Variants in SBF2 observed in about 807,000 individuals in gnomAD.
SBF2 encodes the protein myotubularin-related protein 13.
Under a neutral mutation model 225.2 loss-of-function variants are expected in SBF2, and 112 were observed. That is an observed-to-expected ratio of 0.50 (90% CI 0.43 to 0.58). The LOEUF (loss-of-function observed/expected upper bound fraction) is 0.58. SBF2 is among the 20% of genes least tolerant of loss of function. The pLI is 0.00. For missense variants in SBF2, 1,996 were observed against 2,206.2 expected (o/e 0.90, Z 1.91); for synonymous variants, 763 against 773.3 (o/e 0.99, Z 0.22).
At chr11:10,219,628 T>C (rs945923472) in intron 1 of SBF2, among the ~76,000 whole-genome samples, 3 of 152,222 alleles carry the variant, frequency 2.0e-5, no homozygotes, top group Non-Finnish European at 4.4e-5. Flanking sequence ...TCCAAACTTC[T>C]ATGCTCTGCT....
At chr11:9,870,643 C>G (rs570008434) in intron 17 of SBF2, among the ~76,000 whole-genome samples, 2 of 152,130 alleles carry the variant, frequency 1.3e-5, no homozygotes, top group Admixed American at 6.5e-5. Flanking sequence ...TAGCTATATA[C>G]AGAAAATTGA....
intron 2 of SBF2, among the ~76,000 whole-genome samples, chr11:10,143,592 G>A (rs1365943488): frequency 2.0e-5 from 3 of 152,054 alleles, no homozygotes; most frequent in African/African-American, 7.2e-5. Flanking sequence ...AAAAATTCTG[G>A]GTTCATAAAT....
At chr11:9,819,756 C>T (rs578170684) in intron 28 of SBF2, among the ~76,000 whole-genome samples, 54 of 152,290 alleles carry the variant, frequency 3.5e-4, no homozygotes, top group African/African-American at 1.3e-3. Context: ...GTTCTTTGAG[C>T]AAGGTCATCA....
intron 2 of SBF2, among the ~76,000 whole-genome samples, chr11:10,048,707 A>G (rs1248996813): frequency 2.6e-5 from 4 of 152,210 alleles, no homozygotes; most frequent in Admixed American, 2.6e-4. Flanking sequence ...TAAGACTTCT[A>G]TGACAAATAT....
At chr11:9,895,832 T>A (rs561498351) in intron 17 of SBF2, 111 bp downstream of exon 17, 3 of 805,424 alleles carry the variant, frequency 3.7e-6, no homozygotes, top group Non-Finnish European at 6.6e-6. Context: ...CGCAGATATA[T>A]CTTAGGCATG....
At chr11:10,166,330 T>C (rs1955948372) in intron 2 of SBF2, among the ~76,000 whole-genome samples, 1 of 152,148 alleles carries the variant, frequency 6.6e-6, no homozygotes, top group South Asian at 2.1e-4. Flanking sequence ...GTGAAAGTAT[T>C]AAATGAAGGT....
Position 10,028,455 on chromosome 11 carries a change from A to G in SBF2, c.616T>C (p.Leu206=), listed in dbSNP as rs1590791206. 6.3e-7 allele frequency: 1 copy of G among 1,598,132 alleles called. No homozygotes were observed. Among genetic ancestry groups the G allele is most frequent in the Non-Finnish European group, 8.6e-7 (1 of 1,165,464 alleles). Residue 206 remains leucine (L), a synonymous_variant, in exon 6 of 40, where the codon TTG becomes CTG. Transcript: ENST00000256190. The stretch of plus-strand genomic sequence containing the variant: ...GAAAATGGGAGAAAAGACATACCCA[A>G]TTGCTGGAACAGGAGAGCCACACTA... The part of the protein sequence containing the change: ...GTSVALLFQQ[L]GIQNVLSLFC...
At chr11:10,251,173 G>A (rs529319292) in intron 1 of SBF2, among the ~76,000 whole-genome samples, 4 of 152,102 alleles carry the variant, frequency 2.6e-5, no homozygotes, top group Non-Finnish European at 5.9e-5. Flanking sequence ...ATGTAGATGC[G>A]AAACCTTAAT....
intron 8 of SBF2, among the ~76,000 whole-genome samples, chr11:9,998,756 T>C (rs1192093453): frequency 1.3e-5 from 2 of 152,158 alleles, no homozygotes; most frequent in Non-Finnish European, 2.9e-5. Context: ...GAGGATTCTG[T>C]TGGAGAAACA....
At chr11:10,214,505 C>G (rs1262361425) in intron 1 of SBF2, among the ~76,000 whole-genome samples, 1 of 152,166 alleles carries the variant, frequency 6.6e-6, no homozygotes, top group Non-Finnish European at 1.5e-5. Flanking sequence ...CGCCTGTAGT[C>G]CCAGCTACTC....
At chr11:9,979,648 A>G (rs1269492890) in intron 13 of SBF2, among the ~76,000 whole-genome samples, 2 of 152,220 alleles carry the variant, frequency 1.3e-5, no homozygotes, top group East Asian at 1.9e-4. Flanking sequence ...TGCCAGAAAA[A>G]TAATTTATTT....
At chr11:10,014,243 A>C (rs1177791728) in intron 6 of SBF2, among the ~76,000 whole-genome samples, 1 of 152,172 alleles carries the variant, frequency 6.6e-6, no homozygotes, top group Non-Finnish European at 1.5e-5. Flanking sequence ...TGGAGCTAGG[A>C]AATATATGCA....
At chr11:9,945,851 T>C (rs555374655) in intron 16 of SBF2, among the ~76,000 whole-genome samples, 5 of 152,016 alleles carry the variant, frequency 3.3e-5, no homozygotes, top group South Asian at 2.1e-4. Context: ...CACTAATCAT[T>C]AGAGAAATGC....
chr11:9,981,534 AG>A (rs1946959243), intron 13 of SBF2, among the ~76,000 whole-genome samples: 1 of 152,244 alleles, frequency 6.6e-6, no homozygotes, highest in African/African-American at 2.4e-5. Flanking sequence ...TATTTTTTCA[AG>A]AGATATACAA....
chr11:9,905,871 G>C (rs372157718), intron 16 of SBF2, among the ~76,000 whole-genome samples: 5 of 152,110 alleles, frequency 3.3e-5, no homozygotes, highest in Admixed American at 6.6e-5. Context: ...CCTTCAAAGA[G>C]AATATTAAAA....
intron 6 of SBF2, among the ~76,000 whole-genome samples, chr11:10,003,444 T>C (rs1948059790): frequency 6.6e-6 from 1 of 151,930 alleles, no homozygotes; most frequent in Non-Finnish European, 1.5e-5. Flanking sequence ...CTCAGCTCAC[T>C]GCAAGCTCTG....
chr11:10,159,544 T>C (rs1024050125), intron 2 of SBF2, among the ~76,000 whole-genome samples: 1 of 152,174 alleles, frequency 6.6e-6, no homozygotes, highest in Non-Finnish European at 1.5e-5. Context: ...CGACTCCCTA[T>C]GATTTCATTC....
intron 28 of SBF2, chr11:9,828,054 C>A: frequency 1.2e-6 from 1 of 855,208 alleles, no homozygotes; most frequent in Admixed American, 3.2e-5. Context: ...TTTAAAATAT[C>A]AACTATCTAG....
At chr11:10,159,352 G>A (rs1353180084) in intron 2 of SBF2, among the ~76,000 whole-genome samples, 1 of 152,192 alleles carries the variant, frequency 6.6e-6, no homozygotes, top group African/African-American at 2.4e-5. Flanking sequence ...TATGGTTTAG[G>A]AGTCATACAG....
Sources: gnomAD v4.1 joint callset for allele counts (sites outside exome capture counted in the v4.1 genomes callset) on GRCh38, gnomAD v4.1.1 for gene constraint, MANE v1.5 for transcripts, NCBI Gene and HGNC (gene_info 2026-07-23, HGNC 2026-07-21) for gene names.